Variants in RASA1 observed in about 807,000 individuals in gnomAD.
RASA1 encodes the protein ras GTPase-activating protein 1.
In RASA1, 25 loss-of-function variants were observed where a neutral mutation model predicts 132.2. The ratio of observed to expected loss-of-function variants is 0.19; its 90% confidence interval spans 0.14 to 0.26. RASA1 has a LOEUF of 0.26. RASA1 is among the 10% of genes least tolerant of loss of function. The pLI is 1.00. For synonymous variants in RASA1, 477 were observed against 449.9 expected, an observed-to-expected ratio of 1.06 and a Z score of -0.76; for missense variants, 964 against 1,299.2, an observed-to-expected ratio of 0.74 and a Z score of 3.97.
chr5:87,275,713 G>A (rs1209051836), intron 1 of RASA1, among the ~76,000 whole-genome samples: 2 of 152,104 alleles, frequency 1.3e-5, no homozygotes, highest in Non-Finnish European at 2.9e-5. Flanking sequence ...TGGCATTACA[G>A]GTGCGTGCCA....
At chr5:87,371,894 AT>A (rs1303288409) in intron 12 of RASA1, among the ~76,000 whole-genome samples, 1 of 152,110 alleles carries the variant, frequency 6.6e-6, no homozygotes, top group Non-Finnish European at 1.5e-5. Flanking sequence ...TCAAACAAAG[AT>A]TTATACAGAA....
intron 22 of RASA1, among the ~76,000 whole-genome samples, chr5:87,385,792 T>C (rs1391700502): frequency 2.0e-5 from 3 of 152,084 alleles, no homozygotes; most frequent in African/African-American, 4.8e-5. Flanking sequence ...TGATATTCAG[T>C]TGGGATCATA....
intron 9 of RASA1, 51 bp from the exon 10 acceptor site, chr5:87,362,500 T>C (rs2112456020): frequency 3.3e-6 from 5 of 1,538,100 alleles, no homozygotes; most frequent in Non-Finnish European, 4.5e-6. Context: ...GATTTTTACT[T>C]CATTTCCATC....
chr5:87,313,738 C>T (rs564145643), intron 1 of RASA1, among the ~76,000 whole-genome samples: 131 of 152,124 alleles, frequency 8.6e-4, no homozygotes, highest in Middle Eastern at 3.4e-3. Flanking sequence ...TCATGGTAGA[C>T]GATTAATTAT....
At chr5:87,312,270 C>T (rs1050462938) in intron 1 of RASA1, among the ~76,000 whole-genome samples, 1 of 152,218 alleles carries the variant, frequency 6.6e-6, no homozygotes. Context: ...TATAGAGCAA[C>T]ATATTGAATG....
intron 1 of RASA1, among the ~76,000 whole-genome samples, chr5:87,275,642 C>T (rs1754031470): frequency 6.6e-6 from 1 of 151,950 alleles, no homozygotes; most frequent in African/African-American, 2.4e-5. Context: ...AGTGGTATGG[C>T]TCACTGCAAC....
chr5:87,338,524 TA>T lies in RASA1; in HGVS notation c.1017+434del, dbSNP rs1561292378. ...TTTTATATATATATATATATATATA[TA>T]TATATATAAAATTTTTTTTTTTTTT... On this transcript the variant is annotated intron_variant, in intron 5 of 24. Coordinates refer to ENST00000274376, the MANE Select transcript of RASA1 (RefSeq NM_002890.3). Among the ~76,000 whole-genome samples, 33 of 99,754 alleles carry T rather than the reference TA, an allele frequency of 3.3e-4. 3 individuals are homozygous for T. In the East Asian group the frequency reaches 8.1e-3, roughly 25 times the overall value. 65.4% of individuals were successfully genotyped at this position (99,754 alleles called of 152,430 possible).
chr5:87,322,027 A>G (rs1756854770), intron 1 of RASA1, among the ~76,000 whole-genome samples: 1 of 152,084 alleles, frequency 6.6e-6, no homozygotes, highest in African/African-American at 2.4e-5. Flanking sequence ...TCCCCTCCAA[A>G]TCTCGTATTT....
At chr5:87,272,610 G>T (rs966122550) in intron 1 of RASA1, among the ~76,000 whole-genome samples, 1 of 151,812 alleles carries the variant, frequency 6.6e-6, no homozygotes. Context: ...GTAAGTGTTC[G>T]ATAAATACGT....
chr5:87,376,110 T>G (rs965245428), intron 15 of RASA1: 1 of 459,572 alleles, frequency 2.2e-6, no homozygotes, highest in African/African-American at 2.0e-5. Context: ...CACTTACCAG[T>G]GCTGAAACAT....
At chr5:87,369,406 G>C (rs1760763705) in intron 11 of RASA1, among the ~76,000 whole-genome samples, 1 of 152,052 alleles carries the variant, frequency 6.6e-6, no homozygotes. Flanking sequence ...TGAAAATACA[G>C]AATCACCTAC....
intron 6 of RASA1, among the ~76,000 whole-genome samples, chr5:87,343,706 A>G (rs1055162285): frequency 4.6e-5 from 7 of 152,206 alleles, no homozygotes; most frequent in Admixed American, 3.9e-4. Flanking sequence ...TGATCCGGCA[A>G]TCCCACTGCT....
At position 87,299,041 on chromosome 5, in the gene RASA1, G is replaced by A. The variant is rs1338856703; in HGVS notation, c.539+30051G>A. Among the ~76,000 whole-genome samples, 5 of 152,306 alleles carry A rather than the reference G, an allele frequency of 3.3e-5. No homozygotes were observed. In the East Asian group the frequency reaches 9.6e-4, roughly 29 times the overall value. ...TAGTGTTCCATTAATGGAACGCTAA[G>A]CATCTGGGAGTTCTTTATATCCTAC... is the stretch of plus-strand genomic sequence containing the variant. On this transcript the variant is annotated intron_variant, in intron 1 of 24. Coordinates refer to ENST00000274376, the MANE Select transcript of RASA1 (RefSeq NM_002890.3).
Position 87,321,866 on chromosome 5 carries a change from C to G in RASA1, c.540-9482C>G, listed in dbSNP as rs141378335. Among the ~76,000 whole-genome samples the G allele has an allele frequency of 2.7e-3, 406 of 152,284 alleles. 5 individuals carry two copies. The highest frequency in any genetic ancestry group is 8.3e-3 in the East Asian group (43 of 5,178). ...TCTCTGAAATGAGGGCATTATGACC[C>G]ACAGTCAGAAAAGTGGAGGAAAATT... On this transcript the variant is annotated intron_variant, in intron 1 of 24. Coordinates refer to ENST00000274376, the MANE Select transcript of RASA1 (RefSeq NM_002890.3).
chr5:87,325,474 C>T (rs1335743926), intron 1 of RASA1, among the ~76,000 whole-genome samples: 2 of 152,156 alleles, frequency 1.3e-5, no homozygotes, highest in Non-Finnish European at 2.9e-5. Flanking sequence ...AAGACACAAG[C>T]GTGTGTAACA....
intron 6 of RASA1, among the ~76,000 whole-genome samples, chr5:87,343,359 T>C (rs540883348): frequency 6.6e-6 from 1 of 152,286 alleles, no homozygotes; most frequent in African/African-American, 2.4e-5. Flanking sequence ...TCCAAGTTGA[T>C]CTCCCTTGAC....
chr5:87,283,345 T>C (rs1438206524), intron 1 of RASA1, among the ~76,000 whole-genome samples: 1 of 151,968 alleles, frequency 6.6e-6, no homozygotes, highest in Non-Finnish European at 1.5e-5. Flanking sequence ...AACATTAACA[T>C]GTTTATTTTC....
In RASA1 at chr5:87,374,843, T is replaced by C. The variant is rs549861815; in HGVS notation, c.1938T>C (p.Asp646=). The change falls in exon 15 of 25, where the codon GAT becomes GAC. Residue 646 remains aspartate, a synonymous_variant. Transcript: ENST00000274376. ...CTTTTTCTCCTTGCTCCTTTAGTGA[T>C]CTTCCTCCTGACATCAATAGATTTG... ...PVWSEEFVFD[D]LPPDINRFEI... 8.1e-6 allele frequency: 13 copies of C among 1,610,076 alleles called. No individual in the cohort carries two copies. The East Asian group carries it at 1.6e-4, about 19-fold the overall frequency.
At chr5:87,354,545 C>A (rs941123413) in intron 9 of RASA1, among the ~76,000 whole-genome samples, 3 of 152,100 alleles carry the variant, frequency 2.0e-5, no homozygotes, top group African/African-American at 7.2e-5. Flanking sequence ...CTGGCTGGTT[C>A]TGTTTCTCTT....
Sources: gnomAD v4.1 joint callset for allele counts (sites outside exome capture counted in the v4.1 genomes callset) on GRCh38, gnomAD v4.1.1 for gene constraint, MANE v1.5 for transcripts, NCBI Gene and HGNC (gene_info 2026-07-23, HGNC 2026-07-21) for gene names.